The following PDE4D variants were observed in gnomAD, a reference collection of about 807,000 sequenced individuals.
The protein encoded by PDE4D is 3',5'-cyclic-AMP phosphodiesterase 4D.
A neutral mutation model predicts 87.4 loss-of-function variants in PDE4D; 24 were observed. That is an observed-to-expected ratio of 0.27 (90% CI 0.20 to 0.39). The LOEUF (loss-of-function observed/expected upper bound fraction) is 0.39, where lower values mean the gene tolerates loss of function less well. Ranked by LOEUF, PDE4D falls within the 10% of genes least tolerant of loss-of-function variation. The pLI is 1.00. For missense variants in PDE4D, 714 were observed against 1,041.0 expected (o/e 0.69, Z 4.32); for synonymous variants, 384 against 383.2 (o/e 1.00, Z -0.02).
intron 1 of PDE4D, among the ~76,000 whole-genome samples, chr5:59,737,124 T>C (rs576508278): frequency 1.0e-4 from 14 of 139,716 alleles, no homozygotes; most frequent in Middle Eastern, 3.5e-3. Flanking sequence ...AATTCTGCAT[T>C]TACATAATAA....
At chr5:59,954,789 A>T (rs1052274262) in intron 3 of PDE4D, among the ~76,000 whole-genome samples, 2 of 152,180 alleles carry the variant, frequency 1.3e-5, no homozygotes, top group Non-Finnish European at 2.9e-5. Flanking sequence ...AATTAAGTGG[A>T]CTTACATTAA....
chr5:59,184,072 T>C (rs1266198541), intron 4 of PDE4D, among the ~76,000 whole-genome samples: 2 of 152,058 alleles, frequency 1.3e-5, no homozygotes, highest in African/African-American at 2.4e-5. Context: ...TCAGGGACAA[T>C]GCTCCAAGAG....
intron 1 of PDE4D, among the ~76,000 whole-genome samples, chr5:59,886,825 C>T (rs1750226605): frequency 6.6e-6 from 1 of 151,812 alleles, no homozygotes; most frequent in Non-Finnish European, 1.5e-5. Context: ...GGCCAACATT[C>T]TGAAGAGTCA....
intron 1 of PDE4D, among the ~76,000 whole-genome samples, chr5:60,396,772 G>T (rs770219784): frequency 7.9e-5 from 12 of 152,338 alleles, no homozygotes; most frequent in Non-Finnish European, 1.3e-4. Flanking sequence ...CTTGGCCTTA[G>T]ACAACAGGTA....
chr5:59,036,060 C>T (rs555840282), intron 6 of PDE4D, among the ~76,000 whole-genome samples: 1 of 152,118 alleles, frequency 6.6e-6, no homozygotes, highest in African/African-American at 2.4e-5. Context: ...GCTCCTAGAG[C>T]ATCATTTAAA....
chr5:60,047,004 T>C (rs924172044), intron 2 of PDE4D, among the ~76,000 whole-genome samples: 3 of 152,210 alleles, frequency 2.0e-5, no homozygotes, highest in African/African-American at 4.8e-5. Flanking sequence ...TCCTGGACTC[T>C]TTTTGGTTGG....
chr5:60,275,869 A>G (rs1751311435), intron 1 of PDE4D, among the ~76,000 whole-genome samples: 1 of 151,678 alleles, frequency 6.6e-6, no homozygotes, highest in South Asian at 2.1e-4. Context: ...ATTTCCCTTG[A>G]GAGTTTCTCT....
intron 1 of PDE4D, among the ~76,000 whole-genome samples, chr5:59,746,106 T>C (rs1406896168): frequency 6.6e-6 from 1 of 152,216 alleles, no homozygotes; most frequent in Non-Finnish European, 1.5e-5. Flanking sequence ...TTTTCAAAAA[T>C]ATTTTTCAGT....
At chr5:59,550,214 T>A (rs1420416680) in intron 1 of PDE4D, among the ~76,000 whole-genome samples, 1 of 152,126 alleles carries the variant, frequency 6.6e-6, no homozygotes, top group Admixed American at 6.6e-5. Flanking sequence ...TCCTTATGCA[T>A]CAGTATCCTA....
chr5:59,591,259 C>T (rs1327390307), intron 1 of PDE4D, among the ~76,000 whole-genome samples: 1 of 152,186 alleles, frequency 6.6e-6, no homozygotes. Context: ...ATTTCATCCT[C>T]TTAAAATGCC....
At chr5:59,597,235 C>A (rs1167196536) in intron 1 of PDE4D, among the ~76,000 whole-genome samples, 3 of 152,192 alleles carry the variant, frequency 2.0e-5, no homozygotes, top group African/African-American at 4.8e-5. Context: ...GAAATAAAGT[C>A]ATTTAAAATT....
intron 1 of PDE4D, among the ~76,000 whole-genome samples, chr5:60,292,175 A>G (rs371737608): frequency 6.6e-6 from 1 of 152,182 alleles, no homozygotes; most frequent in East Asian, 1.9e-4. Context: ...AAAACACATT[A>G]TTTAAAGAAT....
chr5:60,106,889 G>T (rs1248988524), intron 2 of PDE4D, among the ~76,000 whole-genome samples: 1 of 151,028 alleles, frequency 6.6e-6, no homozygotes, highest in Non-Finnish European at 1.5e-5. Flanking sequence ...AGCACTAAAT[G>T]CCCACAAGAG....
At chr5:59,788,520 T>G (rs1483441065) in intron 1 of PDE4D, among the ~76,000 whole-genome samples, 1 of 152,196 alleles carries the variant, frequency 6.6e-6, no homozygotes, top group Non-Finnish European at 1.5e-5. Flanking sequence ...AAGTGAGAAA[T>G]TTTAACATCC....
chr5:59,894,639 A>G (rs73761036), upstream of PDE4D, among the ~76,000 whole-genome samples: 797 of 151,636 alleles, frequency 5.3e-3, 3 homozygotes, highest in African/African-American at 0.019. Context: ...TCAATTACAA[A>G]CCTCTGATTA....
At chr5:60,150,093 C>CTATACATATA (rs1331954869) in intron 2 of PDE4D, among the ~76,000 whole-genome samples, 3 of 148,456 alleles carry the variant, frequency 2.0e-5, no homozygotes, top group African/African-American at 7.4e-5. Context: ...ATTATATATA[C>CTATACATATA]TAGTACTAGG....
intron 1 of PDE4D, chr5:59,592,207 G>A (rs555530987): frequency 1.1e-6 from 1 of 889,962 alleles, no homozygotes; most frequent in Non-Finnish European, 1.3e-6. Flanking sequence ...AACATTGTTG[G>A]TACTCAGTCA....
chr5:60,078,600 A>C (rs1048401408), intron 2 of PDE4D, among the ~76,000 whole-genome samples: 10 of 151,990 alleles, frequency 6.6e-5, no homozygotes, highest in African/African-American at 2.4e-4. Flanking sequence ...ATGTGTTCTC[A>C]ATGTTCAACC....
chr5:60,257,408 G>A (rs902960604), intron 1 of PDE4D, among the ~76,000 whole-genome samples: 3 of 151,876 alleles, frequency 2.0e-5, no homozygotes, highest in South Asian at 2.1e-4. Flanking sequence ...TTGTGGCAGC[G>A]GCGATATCTG....
Sources: allele counts gnomAD v4.1 joint callset (sites outside exome capture counted in the v4.1 genomes callset), GRCh38; gene constraint gnomAD v4.1.1; transcripts MANE v1.5; gene names NCBI Gene and HGNC (gene_info 2026-07-23, HGNC 2026-07-21).